Variants in MINAR2 observed in about 807,000 individuals in gnomAD.
The protein encoded by MINAR2 is membrane integral NOTCH2 associated receptor 2.
A neutral mutation model predicts 16.1 loss-of-function variants in MINAR2; 21 were observed. That is an observed-to-expected ratio of 1.31 (90% CI 0.93 to 1.88). The LOEUF (loss-of-function observed/expected upper bound fraction) is 1.88, where lower values mean the gene tolerates loss of function less well. Ranked by LOEUF, MINAR2 falls within the 40% of genes most tolerant of loss-of-function variation. MINAR2 has a pLI of 0.00. For synonymous variants in MINAR2, 86 were observed against 83.0 expected (o/e 1.04, Z -0.20); for missense variants, 259 against 229.8 (o/e 1.13, Z -0.82).
Position 129,748,311 on chromosome 5 carries a change from A to G in MINAR2, c.121A>G (p.Asn41Asp), listed in dbSNP as rs1181116202. 12 of 1,535,090 alleles carry G rather than the reference A, an allele frequency of 7.8e-6. No homozygotes were observed. In the African/African-American group the frequency reaches 1.5e-4, roughly 19 times the overall value. ...QASLVRFPGG[N>D]YPAAQHWQNL... The stretch of plus-strand genomic sequence containing the variant: ...CAGCCTGGTGAGGTTTCCGGGTGGA[A>G]ATTATCCTGCTGCACAACACTGGCA... Residue 41 changes from asparagine to aspartate, a missense_variant, in exon 1 of 3, where the codon AAT (asparagine) becomes GAT (aspartate). By Grantham distance (23) the Asn-to-Asp change is conservative. Coordinates refer to ENST00000564719, the MANE Select transcript of MINAR2 (RefSeq NM_001257308.2).
chr5:129,754,801 T>G (rs1019754885), intron 1 of MINAR2, among the ~76,000 whole-genome samples: 1 of 152,324 alleles, frequency 6.6e-6, no homozygotes, highest in Non-Finnish European at 1.5e-5. Flanking sequence ...TCATGTCATC[T>G]GCTATTTGTT....
Position 129,766,407 on chromosome 5 carries a change from G to A in MINAR2, c.*1344G>A, listed in dbSNP as rs1384990637. On this transcript the variant is annotated 3_prime_UTR_variant, in exon 3 of 3. Transcript: ENST00000564719. ...AATCCCAGCACTTTGGGAGGCTGAG[G>A]TGGGTGGATCATGAGGTCAGGAGTT... 2.0e-5 allele frequency: 3 copies of A among 152,264 alleles called. No individual in the cohort carries two copies. The highest frequency in any genetic ancestry group is 7.2e-5 in the African/African-American group (3 of 41,444). 9.4% of individuals were successfully genotyped at this position (152,264 alleles called of 1,614,324 possible). A position where few individuals can be genotyped will look rare whatever the true frequency, so the allele number is the denominator to read the frequency against.
chr5:129,764,238 T>C (rs569099999), intron 2 of MINAR2, among the ~76,000 whole-genome samples: 4 of 152,064 alleles, frequency 2.6e-5, no homozygotes, highest in Admixed American at 6.5e-5. Context: ...TAAGAGCTGA[T>C]GTGGGGAAGA....
intron 1 of MINAR2, among the ~76,000 whole-genome samples, chr5:129,751,838 A>G (rs1265889807): frequency 6.6e-6 from 1 of 152,198 alleles, no homozygotes; most frequent in Non-Finnish European, 1.5e-5. Context: ...CAAGTAATGA[A>G]AAAAGGCTGA....
At chr5:129,759,788 T>C (rs1758104085) in intron 1 of MINAR2, among the ~76,000 whole-genome samples, 1 of 151,246 alleles carries the variant, frequency 6.6e-6, no homozygotes, top group South Asian at 2.1e-4. Context: ...ATTTGAAAAG[T>C]TTTTAAAAAC....
chr5:129,752,232 A>G (rs906015060), intron 1 of MINAR2, among the ~76,000 whole-genome samples: 4 of 152,188 alleles, frequency 2.6e-5, no homozygotes, highest in African/African-American at 4.8e-5. Context: ...GTATATACCC[A>G]AAGGATTATA....
intron 2 of MINAR2, among the ~76,000 whole-genome samples, chr5:129,763,218 G>T (rs561775964): frequency 1.3e-5 from 2 of 152,250 alleles, no homozygotes; most frequent in South Asian, 4.1e-4. Flanking sequence ...TCTGAGGCCT[G>T]TTTTACAGGT....
intron 1 of MINAR2, among the ~76,000 whole-genome samples, chr5:129,753,397 C>T (rs11745817): frequency 0.51 from 75,426 of 148,382 alleles, 20,810 homozygotes; most frequent in Non-Finnish European, 0.62. Flanking sequence ...GCATGAGAAA[C>T]ACTTGAAGCT....
chr5:129,753,398 A>G (rs7730165), intron 1 of MINAR2, among the ~76,000 whole-genome samples: 138,982 of 150,158 alleles, frequency 0.93, 64,355 homozygotes, highest in East Asian at 1. Context: ...CATGAGAAAC[A>G]CTTGAAGCTG....
chr5:129,764,541 C>G (rs1313924665), intron 2 of MINAR2, among the ~76,000 whole-genome samples: 1 of 152,148 alleles, frequency 6.6e-6, no homozygotes, highest in East Asian at 1.9e-4. Context: ...ATGTAAGGAA[C>G]ACCAAATTGG....
At chr5:129,756,097 T>A (rs1758050999) in intron 1 of MINAR2, among the ~76,000 whole-genome samples, 1 of 152,034 alleles carries the variant, frequency 6.6e-6, no homozygotes, top group Admixed American at 6.6e-5. Flanking sequence ...GAATGTTTTA[T>A]TTTATGTTGT....
chr5:129,749,453 C>A (rs555807044), intron 1 of MINAR2, among the ~76,000 whole-genome samples: 1 of 152,226 alleles, frequency 6.6e-6, no homozygotes, highest in South Asian at 2.1e-4. Context: ...CATTGTAAGG[C>A]AGCCTATTAT....
intron 1 of MINAR2, among the ~76,000 whole-genome samples, chr5:129,753,270 G>T (rs554587998): frequency 3.3e-5 from 5 of 150,392 alleles, no homozygotes; most frequent in Non-Finnish European, 5.9e-5. Flanking sequence ...GATCACTTGA[G>T]GCCAGGAGTT....
At chr5:129,764,266 T>C (rs1758178404) in intron 2 of MINAR2, among the ~76,000 whole-genome samples, 1 of 152,064 alleles carries the variant, frequency 6.6e-6, no homozygotes. Flanking sequence ...GGGTCCTTTT[T>C]TCAGGAGGTC....
rs61546560 is a variant in MINAR2 at position 129,766,657 on chromosome 5, C to CAAAAAAAAAAAAAAAAA, written c.*1597_*1598insAAAAAAAAAAAAAAAAA. On this transcript the variant is annotated 3_prime_UTR_variant, in exon 3 of 3. Transcript: ENST00000564719. ...CATAAAAAAAAAAAAAAAAAAAAAACAAACAAACAAACAAAAAAAACCCCA... is the reference window on the plus strand; with the variant it reads ...CATAAAAAAAAAAAAAAAAAAAAAACAAAAAAAAAAAAAAAAAAAACAAACAAACAAAAAAAACCCCA... The CAAAAAAAAAAAAAAAAA allele has an allele frequency of 9.0e-6, 1 of 111,672 alleles. No individual in the cohort carries two copies. The highest frequency in any genetic ancestry group is 4.0e-5 in the African/African-American group (1 of 24,844). The allele number at this position is 111,672 out of a possible 1,614,324, so 6.9% of individuals were successfully genotyped here. A position where few individuals can be genotyped will look rare whatever the true frequency, so the allele number is the denominator to read the frequency against.
In MINAR2 at chr5:129,765,084, C is replaced by T; in HGVS notation, c.*21C>T. The T allele has an allele frequency of 8.0e-7, 1 of 1,247,180 alleles. No individual in the cohort carries two copies. 77.3% of individuals were successfully genotyped at this position (1,247,180 alleles called of 1,614,324 possible). A position where few individuals can be genotyped will look rare whatever the true frequency, so the allele number is the denominator to read the frequency against. On this transcript the variant is annotated 3_prime_UTR_variant, in exon 3 of 3. Coordinates refer to ENST00000564719, the MANE Select transcript of MINAR2 (RefSeq NM_001257308.2). ...CCTGAGGAAACTGCAACAATCAGAGCTACTTTAAATTTCCTAAAAATTTTT... is the reference window on the plus strand; with the variant it reads ...CCTGAGGAAACTGCAACAATCAGAGTTACTTTAAATTTCCTAAAAATTTTT...
chr5:129,752,438 T>G (rs918212757), intron 1 of MINAR2, among the ~76,000 whole-genome samples: 75 of 149,524 alleles, frequency 5.0e-4, no homozygotes, highest in South Asian at 1.2e-3. Flanking sequence ...TGGATGAAGC[T>G]GGAAACCATC....
At chr5:129,764,861 T>A (rs1758188246) in intron 2 of MINAR2, 23 bp from the exon 3 acceptor site, 13 of 1,251,000 alleles carry the variant, frequency 1.0e-5, no homozygotes, top group Non-Finnish European at 1.3e-5. Context: ...ATTAATCATA[T>A]TCTCTATGTA....
At chr5:129,759,657 A>G (rs76163554) in intron 1 of MINAR2, among the ~76,000 whole-genome samples, 6,328 of 152,182 alleles carry the variant, frequency 0.042, 376 homozygotes, top group African/African-American at 0.13. Context: ...GGGTGACTGG[A>G]AAGGAGCATG....
Sources: gnomAD v4.1 joint callset for allele counts (sites outside exome capture counted in the v4.1 genomes callset) on GRCh38, gnomAD v4.1.1 for gene constraint, MANE v1.5 for transcripts, NCBI Gene and HGNC (gene_info 2026-07-23, HGNC 2026-07-21) for gene names.